The following PDGFC variants were observed in gnomAD, a reference collection of about 807,000 sequenced individuals.
PDGFC encodes platelet derived growth factor C.
Under a neutral mutation model 35.5 loss-of-function variants are expected in PDGFC, and 12 were observed. That is an observed-to-expected ratio of 0.34 (90% CI 0.22 to 0.55). The LOEUF (loss-of-function observed/expected upper bound fraction) is 0.55, where lower values mean the gene tolerates loss of function less well. Among genes scored for constraint, PDGFC ranks in the 20% least tolerant of loss-of-function variants. The pLI is 0.91. For missense variants in PDGFC, 322 were observed against 412.4 expected (o/e 0.78, Z 1.90); for synonymous variants, 159 against 148.8 (o/e 1.07, Z -0.50).
chr4:156,902,085 T>G (rs1463008782), intron 1 of PDGFC, among the ~76,000 whole-genome samples: 1 of 152,146 alleles, frequency 6.6e-6, no homozygotes, highest in African/African-American at 2.4e-5. Context: ...AAGACCAAAA[T>G]AGTAAATATG....
chr4:156,809,103 C>G lies in PDGFC; in HGVS notation c.495+1734G>C, dbSNP rs57568936. ...TATGCCTTTACTCCCCACATGTCTCCATTATCTACAGCCCAGAATAGGTCA... is the reference window on the plus strand; with the variant it reads ...TATGCCTTTACTCCCCACATGTCTCGATTATCTACAGCCCAGAATAGGTCA... On this transcript the variant is annotated intron_variant, in intron 3 of 5. Coordinates refer to ENST00000502773, the MANE Select transcript of PDGFC (RefSeq NM_016205.3). Among the ~76,000 whole-genome samples, 721 of 152,084 alleles carry G rather than the reference C, an allele frequency of 4.7e-3. 5 individuals are homozygous for G. Among genetic ancestry groups the G allele is most frequent in the African/African-American group, 0.016 (671 of 41,502 alleles).
intron 3 of PDGFC, among the ~76,000 whole-genome samples, chr4:156,800,380 A>G (rs1731567876): frequency 6.6e-6 from 1 of 152,196 alleles, no homozygotes; most frequent in Non-Finnish European, 1.5e-5. Context: ...CAGAGGACAT[A>G]AAAATGGAAA....
At chr4:156,886,915 C>T (rs918940130) in intron 1 of PDGFC, 2 of 152,170 alleles carry the variant, frequency 1.3e-5, no homozygotes, top group African/African-American at 2.4e-5. Flanking sequence ...TAACTATAGA[C>T]ATCTTATTAT....
chr4:156,867,784 C>T (rs1298825380), intron 1 of PDGFC, among the ~76,000 whole-genome samples: 2 of 151,958 alleles, frequency 1.3e-5, no homozygotes, highest in African/African-American at 2.4e-5. Context: ...ATATGAAACC[C>T]CAAACAAAGG....
chr4:156,857,640 A>G (rs964164833), intron 1 of PDGFC, among the ~76,000 whole-genome samples: 8 of 152,100 alleles, frequency 5.3e-5, no homozygotes, highest in Non-Finnish European at 7.4e-5. Flanking sequence ...GCATCTTCTC[A>G]TCATCCCTCA....
chr4:156,767,654 C>A (rs1027194679), intron 5 of PDGFC, 119 bp downstream of exon 5: 1 of 652,552 alleles, frequency 1.5e-6, no homozygotes, highest in Non-Finnish European at 2.7e-6. Flanking sequence ...TTGTAGACCT[C>A]TTTTTTTTCC....
At chr4:156,763,306 A>G in intron 5 of PDGFC, 100 bp from the exon 6 acceptor site, 1 of 621,458 alleles carries the variant, frequency 1.6e-6, no homozygotes, top group Non-Finnish European at 3.0e-6. Flanking sequence ...TTGGGGCCCA[A>G]GAAAGACACA....
At chr4:156,794,850 G>A (rs185137146) in intron 3 of PDGFC, among the ~76,000 whole-genome samples, 1 of 152,244 alleles carries the variant, frequency 6.6e-6, no homozygotes, top group East Asian at 1.9e-4. Flanking sequence ...TATATACCAA[G>A]ACACGTTACC....
rs34323245 is a variant in PDGFC, at chr4:156,865,186, G to GCACACACACACACACACA, written c.119-14788_119-14771dup. On this transcript the variant is annotated intron_variant, in intron 1 of 5. Coordinates refer to ENST00000502773, the MANE Select transcript of PDGFC (RefSeq NM_016205.3). Reference sequence around the variant, plus strand: ...CACTTTAGGATTAGAAGATACATGTGCACACACACACACACACACACACAC... The same window carrying GCACACACACACACACACA: ...CACTTTAGGATTAGAAGATACATGTGCACACACACACACACACACACACACACACACACACACACACAC... Among the ~76,000 whole-genome samples the GCACACACACACACACACA allele has an allele frequency of 3.2e-3, 472 of 146,744 alleles. 2 individuals carry two copies. Among genetic ancestry groups the GCACACACACACACACACA allele is most frequent in the African/African-American group, 0.011 (449 of 40,230 alleles).
intron 1 of PDGFC, among the ~76,000 whole-genome samples, chr4:156,913,253 A>T (rs556353686): frequency 6.6e-6 from 1 of 152,312 alleles, no homozygotes; most frequent in Non-Finnish European, 1.5e-5. Context: ...GTGAAATGTG[A>T]TATATAAAAT....
chr4:156,910,884 T>G (rs2110803740), intron 1 of PDGFC, among the ~76,000 whole-genome samples: 1 of 152,310 alleles, frequency 6.6e-6, no homozygotes, highest in East Asian at 1.9e-4. Flanking sequence ...ATTTTCGAAT[T>G]AGGATGTTCA....
chr4:156,839,194 G>A (rs971091058), intron 2 of PDGFC, among the ~76,000 whole-genome samples: 1 of 152,148 alleles, frequency 6.6e-6, no homozygotes, highest in Non-Finnish European at 1.5e-5. Flanking sequence ...TTAGACCCTG[G>A]ACCCCAGACA....
At chr4:156,842,655 T>C (rs1729233578) in intron 2 of PDGFC, among the ~76,000 whole-genome samples, 1 of 152,108 alleles carries the variant, frequency 6.6e-6, no homozygotes, top group African/African-American at 2.4e-5. Context: ...TCTTCACAAT[T>C]TGATCCTCTC....
chr4:156,970,821 C>G lies in PDGFC; in HGVS notation c.83G>C (p.Ser28Thr), dbSNP rs1260420101. Residue 28 changes from serine to threonine, a missense_variant, in exon 1 of 6, where the codon AGT (serine) becomes ACT (threonine). Ser to Thr is a moderately conservative substitution (Grantham distance 58). This residue lies in a region of PDGFC where 120 missense variants were observed against 116.6 expected (regional missense o/e 1.03). Transcript: ENST00000502773. Reference protein sequence around the residue: ...QGTQAESNLSSKFQFSSNKEQ... With the variant: ...QGTQAESNLSTKFQFSSNKEQ... ...CTTGTTGCTGGAAAACTGGAATTTA[C>G]TACTCAGGTTGGATTCCGCCTGAGT... The G allele has an allele frequency of 1.4e-5, 22 of 1,613,054 alleles. No individual in the cohort carries two copies. The highest frequency in any genetic ancestry group is 2.7e-5 in the African/African-American group (2 of 74,930).
intron 1 of PDGFC, among the ~76,000 whole-genome samples, chr4:156,894,042 T>A (rs1730575535): frequency 6.6e-6 from 1 of 152,164 alleles, no homozygotes; most frequent in Non-Finnish European, 1.5e-5. Flanking sequence ...CTGATAAGTA[T>A]CAGGTGCCTC....
rs1277607026 is a variant in PDGFC, at chr4:156,816,961, G to C, written c.315-5944C>G. Among the ~76,000 whole-genome samples, 11 of 152,024 alleles carry C rather than the reference G, an allele frequency of 7.2e-5. 1 individual carries two copies. The highest frequency in any genetic ancestry group is 4.6e-4 in the Admixed American group (7 of 15,258). On this transcript the variant is annotated intron_variant, in intron 2 of 5. Coordinates refer to ENST00000502773, the MANE Select transcript of PDGFC (RefSeq NM_016205.3). ...ATTAATTTGGTAATATTTATTAACA[G>C]CCACTCTAAATTCTTTATGAAGAGT...
At chr4:156,779,132 C>A (rs1027808285) in intron 3 of PDGFC, 2 of 456,024 alleles carry the variant, frequency 4.4e-6, no homozygotes, top group Non-Finnish European at 8.8e-6. Flanking sequence ...GACACAAATG[C>A]CTGCCAGGAA....
At chr4:156,952,413 T>C (rs188181488) in intron 1 of PDGFC, among the ~76,000 whole-genome samples, 3 of 151,956 alleles carry the variant, frequency 2.0e-5, no homozygotes, top group Admixed American at 1.3e-4. Flanking sequence ...ACAGAAATCA[T>C]TAAGAACATT....
In PDGFC at chr4:156,762,880, C is replaced by T. The variant is rs540639413; in HGVS notation, c.*210G>A. 2 of 485,592 alleles carry T rather than the reference C, an allele frequency of 4.1e-6. No individual in the cohort carries two copies. Among genetic ancestry groups the T allele is most frequent in the Non-Finnish European group, 7.4e-6 (2 of 270,572 alleles). The allele number at this position is 485,592 out of a possible 1,614,324, so 30.1% of individuals were successfully genotyped here. A position where few individuals can be genotyped will look rare whatever the true frequency, so the allele number is the denominator to read the frequency against. On this transcript the variant is annotated 3_prime_UTR_variant, in exon 6 of 6. Coordinates refer to ENST00000502773, the MANE Select transcript of PDGFC (RefSeq NM_016205.3). The stretch of plus-strand genomic sequence containing the variant: ...TTTCCACGATTGAAGACCTTTTCTC[C>T]TGTCCTTTAGGCCTCCTCTCAAAAG...
Sources: allele counts gnomAD v4.1 joint callset (sites outside exome capture counted in the v4.1 genomes callset), GRCh38; gene constraint gnomAD v4.1.1; regional missense constraint gnomAD v4.1.1; transcripts MANE v1.5; gene names NCBI Gene and HGNC (gene_info 2026-07-23, HGNC 2026-07-21).